MECOM: variants seen among roughly 807,000 people sequenced by gnomAD.
The protein encoded by MECOM is MDS1 and EVI1 complex locus.
Under a neutral mutation model 116.3 loss-of-function variants are expected in MECOM, and 13 were observed. The observed-to-expected ratio is 0.11, with a 90% CI of 0.07 to 0.18. MECOM has a LOEUF of 0.18. MECOM is among the 10% of genes least tolerant of loss of function. MECOM has a pLI of 1.00. For missense variants in MECOM, 1,299 were observed against 1,509.0 expected (o/e 0.86, Z 2.31); for synonymous variants, 528 against 535.2 (o/e 0.99, Z 0.19).
chr3:169,109,417 C>CTT (rs3980922), intron 9 of MECOM, among the ~76,000 whole-genome samples: 49 of 141,704 alleles, frequency 3.5e-4, no homozygotes, highest in Admixed American at 4.2e-4. Context: ...ATTCATGTAT[C>CTT]TTTTTTTTTT....
chr3:169,563,093 A>T (rs1762845054), intron 1 of MECOM, among the ~76,000 whole-genome samples: 2 of 151,364 alleles, frequency 1.3e-5, no homozygotes, highest in Admixed American at 6.6e-5. Flanking sequence ...AATGCTGATA[A>T]GGAAGAAGAG....
chr3:169,110,508 A>G (rs1465468366), intron 9 of MECOM, among the ~76,000 whole-genome samples: 3 of 152,152 alleles, frequency 2.0e-5, no homozygotes, highest in African/African-American at 7.2e-5. Flanking sequence ...TGACACAAGA[A>G]AACAGCCATG....
In MECOM at chr3:169,267,957, G is replaced by T. The variant is rs533984102; in HGVS notation, c.375+113230C>A. On this transcript the variant is annotated intron_variant, in intron 2 of 16. Transcript: ENST00000651503. ...AGCCATAAGTCACTTATTTCATTCT[G>T]GAAGATGTCCCCTGATGGCCAAGTA... Among the ~76,000 whole-genome samples the T allele has an allele frequency of 2.0e-5, 3 of 152,088 alleles. No homozygotes were observed. In the South Asian group the frequency reaches 6.3e-4, roughly 32 times the overall value.
chr3:169,169,110 A>G (rs1223387418), intron 2 of MECOM, among the ~76,000 whole-genome samples: 1 of 152,168 alleles, frequency 6.6e-6, no homozygotes, highest in East Asian at 1.9e-4. Flanking sequence ...AGTTCACTCC[A>G]TAAACACATA....
chr3:169,645,388 G>T (rs1774042461), intron 1 of MECOM, among the ~76,000 whole-genome samples: 4 of 152,038 alleles, frequency 2.6e-5, no homozygotes, highest in Non-Finnish European at 4.4e-5. Context: ...TTTATGTCTG[G>T]AATTCTAGAA....
chr3:169,312,971 GA>G (rs1384016573), intron 2 of MECOM, among the ~76,000 whole-genome samples: 6 of 152,298 alleles, frequency 3.9e-5, no homozygotes, highest in African/African-American at 1.4e-4. Context: ...AGAGAGATGT[GA>G]AAAGATCTAA....
chr3:169,288,688 G>A (rs28542524), intron 2 of MECOM, among the ~76,000 whole-genome samples: 2,613 of 152,230 alleles, frequency 0.017, 71 homozygotes, highest in African/African-American at 0.06. Context: ...CTGCGTGTGC[G>A]TCTGTGTGTG....
chr3:169,266,700 C>T (rs1201371857), intron 2 of MECOM, among the ~76,000 whole-genome samples: 2 of 152,112 alleles, frequency 1.3e-5, no homozygotes. Flanking sequence ...TGAGGACATA[C>T]TATTAAAGGA....
chr3:169,112,737 G>T (rs768835864), intron 9 of MECOM, 50 bp downstream of exon 9: 6 of 1,392,186 alleles, frequency 4.3e-6, no homozygotes, highest in Non-Finnish European at 4.1e-6. Context: ...TGCTTTTCAG[G>T]ATCAACAAGT....
chr3:169,581,883 C>T (rs562458682), intron 1 of MECOM, among the ~76,000 whole-genome samples: 8 of 152,124 alleles, frequency 5.3e-5, no homozygotes, highest in Non-Finnish European at 8.8e-5. Flanking sequence ...CTAATGAAGT[C>T]GTGGTATAAA....
chr3:169,618,384 C>T (rs560486219), intron 1 of MECOM, among the ~76,000 whole-genome samples: 1 of 152,182 alleles, frequency 6.6e-6, no homozygotes, highest in African/African-American at 2.4e-5. Context: ...ATAGGCTGGG[C>T]GGTGGCTCAC....
chr3:169,413,715 C>T (rs142431876), intron 1 of MECOM, among the ~76,000 whole-genome samples: 24 of 152,150 alleles, frequency 1.6e-4, no homozygotes, highest in African/African-American at 5.8e-4. Flanking sequence ...GGGATGTCTG[C>T]CATTACTGAG....
chr3:169,662,508 C>G (rs531103363), intron 1 of MECOM, among the ~76,000 whole-genome samples: 1 of 152,132 alleles, frequency 6.6e-6, no homozygotes, highest in African/African-American at 2.4e-5. Flanking sequence ...CGAGCGCTCG[C>G]TGGGCCTCTT....
chr3:169,543,765 T>C (rs1166234455), intron 1 of MECOM, among the ~76,000 whole-genome samples: 2 of 152,226 alleles, frequency 1.3e-5, no homozygotes, highest in Non-Finnish European at 2.9e-5. Context: ...TATTTTACAA[T>C]CCATCCATTA....
rs752835190 is a variant in MECOM, at chr3:169,089,119, T to C, written c.3466A>G (p.Ser1156Gly). The part of the protein sequence containing the change: ...ALDHIRHFTD[S>G]LKMRKMEDNQ... ...TCTTCCATTTTCCTCATTTTGAGGC[T>C]ATCTGTGAAGTGCCTTATATGATCT... Residue 1156 changes from serine (S) to glycine (G), a missense_variant, in exon 16 of 17, where the codon AGC becomes GGC. Coordinates refer to ENST00000651503, the MANE Select transcript of MECOM (RefSeq NM_004991.4). The C allele has an allele frequency of 1.9e-6, 3 of 1,609,522 alleles. No individual in the cohort carries two copies. Among genetic ancestry groups the C allele is most frequent in the Non-Finnish European group, 2.5e-6 (3 of 1,177,954 alleles).
intron 1 of MECOM, among the ~76,000 whole-genome samples, chr3:169,411,483 G>A (rs1737546312): frequency 6.6e-6 from 1 of 152,176 alleles, no homozygotes; most frequent in African/African-American, 2.4e-5. Context: ...GCACTGCACT[G>A]TGAATTTCCC....
At chr3:169,392,186 A>G (rs902762677) in intron 1 of MECOM, among the ~76,000 whole-genome samples, 2 of 152,166 alleles carry the variant, frequency 1.3e-5, no homozygotes, top group Non-Finnish European at 2.9e-5. Flanking sequence ...TTATATCACC[A>G]GCTAGTGCCA....
At chr3:169,103,191 C>G (rs1463618070) in intron 10 of MECOM, among the ~76,000 whole-genome samples, 1 of 151,432 alleles carries the variant, frequency 6.6e-6, no homozygotes, top group Admixed American at 6.6e-5. Flanking sequence ...TCTTGAACTC[C>G]TGGTCTCAAG....
rs745493476 is a variant in MECOM, at chr3:169,090,138, T to A, written c.3263A>T (p.Asp1088Val). Reference protein sequence around the residue: ...DEEVEDEVLLDEEDEDNDITG... With the variant: ...DEEVEDEVLLVEEDEDNDITG... Reference sequence around the variant, plus strand: ...AATATCATTGTCTTCATCCTCCTCATCTAACAACACCTCATCTTCAACTTC... The same window carrying A: ...AATATCATTGTCTTCATCCTCCTCAACTAACAACACCTCATCTTCAACTTC... The change falls in exon 15 of 17, where the codon GAT becomes GTT. Residue 1088 changes from aspartate (D) to valine (V), a missense_variant. This residue lies in a region of MECOM where 273 missense variants were observed against 289.3 expected (regional missense o/e 0.94). Transcript: ENST00000651503. The A allele has an allele frequency of 2.5e-6, 4 of 1,613,534 alleles. No individual in the cohort carries two copies. The highest frequency in any genetic ancestry group is 3.4e-6 in the Non-Finnish European group (4 of 1,179,600).
Sources: gnomAD v4.1 joint callset for allele counts (sites outside exome capture counted in the v4.1 genomes callset) on GRCh38, gnomAD v4.1.1 for gene constraint, gnomAD v4.1.1 regional missense constraint, MANE v1.5 for transcripts, NCBI Gene and HGNC (gene_info 2026-07-23, HGNC 2026-07-21) for gene names.